HNRNPUL1: variants seen among roughly 807,000 people sequenced by gnomAD.
HNRNPUL1 encodes the protein heterogeneous nuclear ribonucleoprotein U like 1, also known as heterogeneous nuclear ribonucleoprotein U-like protein 1.
HNRNPUL1 carries 14 observed loss-of-function variants against 108.5 expected under a neutral mutation model. That is an observed-to-expected ratio of 0.13 (90% CI 0.09 to 0.20). The LOEUF is 0.20. HNRNPUL1 is among the 10% of genes least tolerant of loss of function. The probability of loss-of-function intolerance (pLI) is 1.00; values close to 1 mark genes in which losing one functional copy is unlikely to be tolerated. For missense variants in HNRNPUL1, 804 were observed against 1,168.3 expected (o/e 0.69, Z 4.55); for synonymous variants, 422 against 445.2 (o/e 0.95, Z 0.66).
At position 41,264,559 on chromosome 19, in the gene HNRNPUL1, G is replaced by T. The variant is rs926289365; in HGVS notation, c.56G>T (p.Gly19Val). The T allele has an allele frequency of 1.3e-6, 2 of 1,537,920 alleles. No homozygotes were observed. Among genetic ancestry groups the T allele is most frequent in the South Asian group, 2.4e-5 (2 of 84,524 alleles). Residue 19 changes from glycine (G) to valine (V), a missense_variant, in exon 1 of 15, where the codon GGC becomes GTC. Gly to Val is a moderately radical substitution (Grantham distance 109, BLOSUM62 -3). This residue lies in a region of HNRNPUL1 where 256 missense variants were observed against 261.6 expected (regional missense o/e 0.98). Coordinates refer to ENST00000392006, the MANE Select transcript of HNRNPUL1 (RefSeq NM_007040.6). ...NELREELQRR[G>V]LDTRGLKAEL... ...CTTCGCGAGGAGCTGCAGCGCCGCG[G>T]CCTGGACACTCGAGGCCTCAAGGCC... is the stretch of plus-strand genomic sequence containing the variant.
intron 1 of HNRNPUL1, chr19:41,265,435 C>A: frequency 1.4e-6 from 2 of 1,401,372 alleles, no homozygotes; most frequent in Non-Finnish European, 1.9e-6. Flanking sequence ...GGCTAGTGAG[C>A]ATTTAGGGGC....
intron 7 of HNRNPUL1, among the ~76,000 whole-genome samples, chr19:41,285,556 C>T (rs749139923): frequency 2.0e-5 from 3 of 152,126 alleles, no homozygotes; most frequent in Non-Finnish European, 4.4e-5. Context: ...TGGTAACTCT[C>T]AAACCCTAAA....
At chr19:41,293,539 A>G (rs1011688248) in intron 8 of HNRNPUL1, among the ~76,000 whole-genome samples, 1 of 152,192 alleles carries the variant, frequency 6.6e-6, no homozygotes, top group Non-Finnish European at 1.5e-5. Flanking sequence ...GTGTTTACCA[A>G]ATTCTAAATG....
rs2036787396 is a variant in HNRNPUL1, at chr19:41,294,754, C to T, written c.1518+68C>T. On this transcript the variant is annotated intron_variant, in intron 10 of 14. Transcript: ENST00000392006. This position sits in a 1 kb window ranked among gnomAD's most constrained non-coding sequence, Gnocchi z 4.3. ...ACCCCTTGCATGCCTGAGAATCTCCCTCTGGTCCCTTTCTTTTTTCCCCCG... is the reference window on the plus strand; with the variant it reads ...ACCCCTTGCATGCCTGAGAATCTCCTTCTGGTCCCTTTCTTTTTTCCCCCG... 2 of 1,578,238 alleles carry T rather than the reference C, an allele frequency of 1.3e-6. No individual in the cohort carries two copies. The highest frequency in any genetic ancestry group is 4.5e-5 in the East Asian group (2 of 44,538).
chr19:41,285,433 G>C (rs978081407), intron 7 of HNRNPUL1, among the ~76,000 whole-genome samples: 1 of 152,054 alleles, frequency 6.6e-6, no homozygotes, highest in African/African-American at 2.4e-5. Flanking sequence ...CCAAACTCCT[G>C]AGCTCAAGCA....
At chr19:41,278,738 C>G (rs1234387073) in intron 5 of HNRNPUL1, among the ~76,000 whole-genome samples, 3 of 152,148 alleles carry the variant, frequency 2.0e-5, no homozygotes, top group African/African-American at 7.2e-5. Flanking sequence ...TGTGAGTCAC[C>G]ATCCCCAGCC....
In HNRNPUL1 at chr19:41,296,032, C is replaced by T. The variant is rs978670493; in HGVS notation, c.1518+1346C>T. ...AAGAATTTTTTTAGTCTGTATTGAC[C>T]CCAGTTGGACTCATTGTCGTGAAAG... On this transcript the variant is annotated intron_variant, in intron 10 of 14. Coordinates refer to ENST00000392006, the MANE Select transcript of HNRNPUL1 (RefSeq NM_007040.6). 2.6e-5 allele frequency among the ~76,000 whole-genome samples: 4 copies of T among 152,108 alleles called. No individual in the cohort carries two copies. In the South Asian group the frequency reaches 6.2e-4, roughly 24 times the overall value.
chr19:41,283,951 A>G (rs946881045), intron 7 of HNRNPUL1, among the ~76,000 whole-genome samples: 12 of 152,230 alleles, frequency 7.9e-5, no homozygotes, highest in African/African-American at 2.9e-4. Flanking sequence ...TCCTATTGCT[A>G]TTATGGTGAG....
chr19:41,285,817 A>T (rs550307259), intron 7 of HNRNPUL1, among the ~76,000 whole-genome samples: 1 of 152,168 alleles, frequency 6.6e-6, no homozygotes, highest in South Asian at 2.1e-4. Flanking sequence ...CTTTGCAGGG[A>T]TTAGGGGCAC....
chr19:41,302,004 G>C (rs2037239336), intron 11 of HNRNPUL1, among the ~76,000 whole-genome samples: 1 of 152,152 alleles, frequency 6.6e-6, no homozygotes, highest in Non-Finnish European at 1.5e-5. Flanking sequence ...TGGGCTGACT[G>C]TGGGCAGGCC....
At chr19:41,286,101 C>T (rs1432291485) in intron 7 of HNRNPUL1, among the ~76,000 whole-genome samples, 1 of 152,058 alleles carries the variant, frequency 6.6e-6, no homozygotes, top group African/African-American at 2.4e-5. Context: ...AAATTAATAG[C>T]CTACTGATAA....
intron 7 of HNRNPUL1, among the ~76,000 whole-genome samples, chr19:41,289,350 A>G (rs996189695): frequency 2.0e-5 from 3 of 152,206 alleles, no homozygotes; most frequent in African/African-American, 7.2e-5. Flanking sequence ...TTGCAAAACA[A>G]AAAGGTAAAA....
intron 10 of HNRNPUL1, among the ~76,000 whole-genome samples, chr19:41,295,552 G>T (rs1334625827): frequency 6.6e-6 from 1 of 152,188 alleles, no homozygotes; most frequent in African/African-American, 2.4e-5. Context: ...GTAACAAAGG[G>T]TGTCTCCTTA....
chr19:41,281,720 A>G (rs1020291976), intron 7 of HNRNPUL1, among the ~76,000 whole-genome samples: 3 of 152,114 alleles, frequency 2.0e-5, no homozygotes, highest in Admixed American at 6.6e-5. Flanking sequence ...CCTACAATGC[A>G]CTGCCTTCTG....
intron 7 of HNRNPUL1, among the ~76,000 whole-genome samples, chr19:41,282,310 G>A (rs1193163913): frequency 6.6e-6 from 1 of 152,082 alleles, no homozygotes; most frequent in Non-Finnish European, 1.5e-5. Flanking sequence ...AGCCCCCTGA[G>A]TAGCTGGGAT....
At chr19:41,266,559 G>A (rs1365393056) in intron 1 of HNRNPUL1, among the ~76,000 whole-genome samples, 1 of 152,064 alleles carries the variant, frequency 6.6e-6, no homozygotes, top group Non-Finnish European at 1.5e-5. Flanking sequence ...TGAAGTGCTG[G>A]GATTACAGGC....
chr19:41,302,508 C>G (rs761810388), intron 11 of HNRNPUL1, 157 bp from the exon 12 acceptor site: 1 of 951,002 alleles, frequency 1.1e-6, no homozygotes, highest in Non-Finnish European at 1.6e-6. Context: ...CGTGAGCCAC[C>G]GCGCCCGCCC....
At chr19:41,296,280 C>A (rs1222660933) in intron 10 of HNRNPUL1, among the ~76,000 whole-genome samples, 1 of 152,226 alleles carries the variant, frequency 6.6e-6, no homozygotes, top group Non-Finnish European at 1.5e-5. Context: ...AGGCCCATGA[C>A]AGCTTTGCAC....
In HNRNPUL1 at chr19:41,292,307, TG is replaced by T; in HGVS notation, c.1063del (p.Ala355LeufsTer20). ...CCAAGAATGGAAAGTGGATGGGCATTGCTTTCCGAATCCAGAAGGAAGCCTT... is the reference window on the plus strand; with the variant it reads ...CCAAGAATGGAAAGTGGATGGGCATTCTTTCCGAATCCAGAAGGAAGCCTT... ...FTKNGKWMGI[A>X]FRIQKEALGG... On this transcript the variant is annotated frameshift_variant, in exon 8 of 15. Coordinates refer to ENST00000392006, the MANE Select transcript of HNRNPUL1 (RefSeq NM_007040.6). LOFTEE classifies it high-confidence loss of function. This position sits in a 1 kb window ranked among gnomAD's most constrained non-coding sequence, Gnocchi z 4.1. The T allele has an allele frequency of 6.2e-7, 1 of 1,614,224 alleles. No individual in the cohort carries two copies. The highest frequency in any genetic ancestry group is 1.3e-5 in the African/African-American group (1 of 75,072).
Sources: gnomAD v4.1 joint callset for allele counts (sites outside exome capture counted in the v4.1 genomes callset) on GRCh38, gnomAD v4.1.1 for gene constraint, gnomAD v4.1.1 regional missense constraint, Gnocchi (gnomAD v3.1) non-coding constraint, MANE v1.5 for transcripts, NCBI Gene and HGNC (gene_info 2026-07-23, HGNC 2026-07-21) for gene names.